Variants in MYO15A observed in about 807,000 individuals in gnomAD.
The protein encoded by MYO15A is unconventional myosin-XV.
In MYO15A, 308 loss-of-function variants were observed where a neutral mutation model predicts 394.6. The ratio of observed to expected loss-of-function variants is 0.78; its 90% CI spans 0.71 to 0.86. The LOEUF (loss-of-function observed/expected upper bound fraction) is 0.86, where lower values mean the gene tolerates loss of function less well. Among genes scored for constraint, MYO15A ranks in the 40% least tolerant of loss-of-function variants. The pLI is 0.00. For missense variants in MYO15A, 4,606 were observed against 4,799.1 expected (o/e 0.96, Z 1.19); for synonymous variants, 1,957 against 2,003.8 (o/e 0.98, Z 0.62).
chr17:18,120,869 C>T lies in MYO15A; in HGVS notation c.2069C>T (p.Pro690Leu), dbSNP rs1213070858. 4.8e-6 allele frequency: 6 copies of T among 1,258,978 alleles called. No homozygotes were observed. Among genetic ancestry groups the T allele is most frequent in the African/African-American group, 1.6e-5 (1 of 61,782 alleles). The allele number at this position is 1,258,978 out of a possible 1,614,324, so 78.0% of individuals were successfully genotyped here. A position where few individuals can be genotyped will look rare whatever the true frequency, so the allele number is the denominator to read the frequency against. Residue 690 changes from proline to leucine, a missense_variant, in exon 2 of 66, where the codon CCG (proline) becomes CTG (leucine). Pro to Leu is a moderately conservative substitution (Grantham distance 98). This residue lies in a region of MYO15A where 1,830 missense variants were observed against 1,689.7 expected (regional missense o/e 1.08). Coordinates refer to ENST00000647165, the MANE Select transcript of MYO15A (RefSeq NM_016239.4). ...CCGGCGCTCTCGGGCCTGCCCCGGC[C>T]GGCCTCGCCCTACGGCTCCCTCCGC... is the stretch of plus-strand genomic sequence containing the variant. Reference protein sequence around the residue: ...LSPALSGLPRPASPYGSLRRH... With the variant: ...LSPALSGLPRLASPYGSLRRH...
Position 18,157,031 on chromosome 17 carries a change from C to T in MYO15A, c.8679C>T (p.Ile2893=), listed in dbSNP as rs1317073614. 1 of 1,614,184 alleles carries T rather than the reference C, an allele frequency of 6.2e-7. No homozygotes were observed. The highest frequency in any genetic ancestry group is 2.2e-5 in the East Asian group (1 of 44,882). ...TGCTGGCTTTCCACAAGGGTGACAT[C>T]ATACACCTGCAGCCCCTAGAGCCAC... is the stretch of plus-strand genomic sequence containing the variant. The part of the protein sequence containing the change: ...PALLAFHKGD[I]IHLQPLEPPR... Residue 2893 remains isoleucine (I), a synonymous_variant, in exon 49 of 66, where the codon ATC becomes ATT. Transcript: ENST00000647165.
intron 55 of MYO15A, 84 bp from the exon 56 acceptor site, chr17:18,159,851 G>A (rs2046748733): frequency 1.3e-6 from 2 of 1,518,058 alleles, no homozygotes; most frequent in Admixed American, 3.7e-5. Flanking sequence ...CCTGTCTTCA[G>A]GTGCCCACCC....
chr17:18,137,952 G>A (rs1299120509), intron 16 of MYO15A, 163 bp from the exon 17 acceptor site: 5 of 1,034,438 alleles, frequency 4.8e-6, no homozygotes, highest in Non-Finnish European at 7.0e-6. Context: ...GCAGGACCCT[G>A]AGTTGGCTCA....
intron 62 of MYO15A, among the ~76,000 whole-genome samples, chr17:18,169,825 C>T (rs1296548434): frequency 2.0e-5 from 3 of 151,874 alleles, no homozygotes; most frequent in Non-Finnish European, 4.4e-5. Flanking sequence ...GATTCATGGG[C>T]GTGGTGGCAC....
chr17:18,131,667 A>C, intron 10 of MYO15A, 136 bp downstream of exon 10: 2 of 1,116,198 alleles, frequency 1.8e-6, no homozygotes, highest in East Asian at 2.6e-5. Flanking sequence ...TGTACATGTG[A>C]GCCCAGGACC....
Position 18,143,896 on chromosome 17 carries a change from G to A in MYO15A, c.6073G>A (p.Val2025Met). The change falls in exon 28 of 66, where the codon GTG (valine) becomes ATG (methionine). Residue 2025 changes from valine to methionine, a missense_variant. Physicochemically the swap from Val to Met is conservative, Grantham distance 21. Around this residue, in one of 2 missense-constraint regions of MYO15A, gnomAD observed 2,776 missense variants for 3,109.3 expected, o/e 0.89. Coordinates refer to ENST00000647165, the MANE Select transcript of MYO15A (RefSeq NM_016239.4). ...AGLGLAQVPQ[V>M]APVRTPRLQA... Reference sequence around the variant, plus strand: ...CCTCGGGCTGGCCCAGGTGCCTCAGGTGGCCCCTGTGAGGACTCCTCGACT... The same window carrying A: ...CCTCGGGCTGGCCCAGGTGCCTCAGATGGCCCCTGTGAGGACTCCTCGACT... 6.3e-7 allele frequency: 1 copy of A among 1,592,110 alleles called. No homozygotes were observed. Among genetic ancestry groups the A allele is most frequent in the Non-Finnish European group, 8.6e-7 (1 of 1,168,376 alleles).
rs1184590256 is a variant in MYO15A at position 18,120,883 on chromosome 17, G to A, written c.2083G>A (p.Gly695Ser). 4.3e-5 allele frequency: 59 copies of A among 1,360,854 alleles called. No individual in the cohort carries two copies. The highest frequency in any genetic ancestry group is 5.3e-5 in the Non-Finnish European group (56 of 1,057,148). 84.3% of individuals were successfully genotyped at this position (1,360,854 alleles called of 1,614,324 possible). A position where few individuals can be genotyped will look rare whatever the true frequency, so the allele number is the denominator to read the frequency against. Reference sequence around the variant, plus strand: ...CCTGCCCCGGCCGGCCTCGCCCTACGGCTCCCTCCGCCGCCACCCGCCGCC... The same window carrying A: ...CCTGCCCCGGCCGGCCTCGCCCTACAGCTCCCTCCGCCGCCACCCGCCGCC... ...SGLPRPASPY[G>S]SLRRHPPPWA... Residue 695 changes from glycine (G) to serine (S), a missense_variant, in exon 2 of 66, where the codon GGC (glycine) becomes AGC (serine). By Grantham distance (56) the Gly-to-Ser change is moderately conservative. Coordinates refer to ENST00000647165, the MANE Select transcript of MYO15A (RefSeq NM_016239.4).
In MYO15A at chr17:18,155,181, C is replaced by T. The variant is rs756973921; in HGVS notation, c.8296C>T (p.Arg2766Ter). ...SVKRAVVSTA[R>*]DTWEVYFSRI... The stretch of plus-strand genomic sequence containing the variant: ...GAAGCGGGCCGTGGTCAGCACTGCA[C>T]GAGACACCTGGGAGGTCTACTTCTC... Residue 2766 changes from arginine to a stop codon, truncating the protein, a stop_gained, in exon 46 of 66, where the codon CGA becomes TGA. Coordinates refer to ENST00000647165, the MANE Select transcript of MYO15A (RefSeq NM_016239.4). LOFTEE classifies it high-confidence loss of function. 10 of 1,613,846 alleles carry T rather than the reference C, an allele frequency of 6.2e-6. No individual in the cohort carries two copies. Among genetic ancestry groups the T allele is most frequent in the Non-Finnish European group, 6.8e-6 (8 of 1,180,022 alleles).
In MYO15A at chr17:18,159,308, G is replaced by A. The variant is rs182977390; in HGVS notation, c.9190G>A (p.Asp3064Asn). The part of the protein sequence containing the change: ...PLQESLIELS[D>N]SSLSKMATDM... Reference sequence around the variant, plus strand: ...CCAGGAATCCCTCATCGAACTCAGCGACAGCAGCCTCAGCAAGATGGCCAC... The same window carrying A: ...CCAGGAATCCCTCATCGAACTCAGCAACAGCAGCCTCAGCAAGATGGCCAC... Residue 3064 changes from aspartate to asparagine, a missense_variant, in exon 54 of 66, where the codon GAC (aspartate) becomes AAC (asparagine). Asp to Asn is a conservative substitution (Grantham distance 23). Coordinates refer to ENST00000647165, the MANE Select transcript of MYO15A (RefSeq NM_016239.4). The A allele has an allele frequency of 1.1e-5, 18 of 1,614,156 alleles. No homozygotes were observed. Among genetic ancestry groups the A allele is most frequent in the African/African-American group, 2.7e-5 (2 of 75,028 alleles).
Position 18,136,679 on chromosome 17 carries a change from G to A in MYO15A, c.4772G>A (p.Gly1591Asp). The change falls in exon 15 of 66, where the codon GGT becomes GAT. Residue 1591 changes from glycine (G) to aspartate (D), a missense_variant. Physicochemically the swap from Gly to Asp is moderately conservative, Grantham distance 94. This residue lies in a region of MYO15A where 2,776 missense variants were observed against 3,109.3 expected (regional missense o/e 0.89). Coordinates refer to ENST00000647165, the MANE Select transcript of MYO15A (RefSeq NM_016239.4). ...TLSIAILDIY[G>D]FEDLSFNSFE... is the part of the protein sequence containing the mutation. ...TCCATCGCCATCCTGGACATCTATG[G>A]TTTCGAGGTGGGGCCGTGTAGGAGG... 2 of 1,605,592 alleles carry A rather than the reference G, an allele frequency of 1.2e-6. No homozygotes were observed. The highest frequency in any genetic ancestry group is 1.7e-6 in the Non-Finnish European group (2 of 1,177,506).
rs375451997 is a variant in MYO15A, at chr17:18,122,158, C to T, written c.3358C>T (p.Arg1120Cys). Residue 1120 changes from arginine to cysteine, a missense_variant, in exon 2 of 66, where the codon CGT becomes TGT. Transcript: ENST00000647165. ...TGGGCGTTTTGCTGTGGTCATGCCTCGTGTGCAGAAGCTGAGCTCTTTCCA... is the reference window on the plus strand; with the variant it reads ...TGGGCGTTTTGCTGTGGTCATGCCTTGTGTGCAGAAGCTGAGCTCTTTCCA... ...APGRFAVVMP[R>C]VQKLSSFQRV... 26 of 1,613,080 alleles carry T rather than the reference C, an allele frequency of 1.6e-5. No homozygotes were observed. In the Admixed American group the frequency reaches 2.2e-4, roughly 13 times the overall value.
rs1353334152 is a variant in MYO15A, at chr17:18,127,124, T to C, written c.3991T>C (p.Tyr1331His). Reference protein sequence around the residue: ...KTEATKLILRYLAAMNQKREV... With the variant: ...KTEATKLILRHLAAMNQKREV... ...TGAGGCCACCAAGCTGATTCTGCGC[T>C]ACCTGGCCGCCATGAACCAGAAACG... Residue 1331 changes from tyrosine (Y) to histidine (H), a missense_variant, in exon 7 of 66, where the codon TAC becomes CAC. By Grantham distance (83) the Tyr-to-His change is moderately conservative (BLOSUM62 2). Around this residue, in one of 2 missense-constraint regions of MYO15A, gnomAD observed 2,776 missense variants for 3,109.3 expected, o/e 0.89. Transcript: ENST00000647165. 6.2e-7 allele frequency: 1 copy of C among 1,613,942 alleles called. No homozygotes were observed. The highest frequency in any genetic ancestry group is 8.5e-7 in the Non-Finnish European group (1 of 1,179,990).
intron 54 of MYO15A, 75 bp downstream of exon 54, chr17:18,159,422 C>T (rs1049964120): frequency 5.1e-6 from 8 of 1,555,538 alleles, no homozygotes; most frequent in Non-Finnish European, 7.1e-6. Flanking sequence ...CTGGTTGCCA[C>T]TCCTCCCTGA....
At position 18,173,790 on chromosome 17, in the gene MYO15A, G is replaced by A. The variant is rs753049777; in HGVS notation, c.10360G>A (p.Val3454Met). 6.2e-7 allele frequency: 1 copy of A among 1,613,978 alleles called. No homozygotes were observed. Among genetic ancestry groups the A allele is most frequent in the Non-Finnish European group, 8.5e-7 (1 of 1,180,038 alleles). ...CTCCTCCTACTCCCAGGAATTGATG[G>A]TGAAGTTCCCCCTGAAGGAGATCCA... ...FLSTETHELMVKFPLKEIQST... is the reference protein window; with the variant it reads ...FLSTETHELMMKFPLKEIQST... The change falls in exon 65 of 66, where the codon GTG becomes ATG. Residue 3454 changes from valine to methionine, a missense_variant. Physicochemically the swap from Val to Met is conservative, Grantham distance 21. Coordinates refer to ENST00000647165, the MANE Select transcript of MYO15A (RefSeq NM_016239.4).
chr17:18,121,036 A>C lies in MYO15A; in HGVS notation c.2236A>C (p.Arg746=). 2.7e-6 allele frequency: 4 copies of C among 1,509,366 alleles called. No homozygotes were observed. Among genetic ancestry groups the C allele is most frequent in the Non-Finnish European group, 3.5e-6 (4 of 1,133,630 alleles). 93.5% of individuals were successfully genotyped at this position (1,509,366 alleles called of 1,614,324 possible). A position where few individuals can be genotyped will look rare whatever the true frequency, so the allele number is the denominator to read the frequency against. Residue 746 remains arginine (R), a synonymous_variant, in exon 2 of 66, where the codon AGG becomes CGG. Transcript: ENST00000647165. The surrounding 1 kb of genome is among the most constrained non-coding windows in gnomAD (Gnocchi z 5.3). The part of the protein sequence containing the change: ...LAFPGPRPSF[R]GSRRRGAAFG... The stretch of plus-strand genomic sequence containing the variant: ...CTTCCCAGGGCCCCGACCCTCGTTC[A>C]GGGGCTCCCGCCGGAGAGGGGCGGC...
intron 19 of MYO15A, 43 bp downstream of exon 19, chr17:18,139,654 G>A (rs1414345655): frequency 1.2e-6 from 2 of 1,606,814 alleles, no homozygotes; most frequent in East Asian, 4.5e-5. Context: ...CCCCAGGCAT[G>A]TCCCCACCCC....
At chr17:18,152,374 C>A (rs1434287812) in intron 42 of MYO15A, among the ~76,000 whole-genome samples, 190 bp downstream of exon 42, 1 of 152,150 alleles carries the variant, frequency 6.6e-6, no homozygotes, top group Admixed American at 6.5e-5. Flanking sequence ...CCCATCCTGG[C>A]CTCATGTAAT....
chr17:18,120,611 A>G lies in MYO15A; in HGVS notation c.1811A>G (p.Glu604Gly), dbSNP rs1341077339. 4.4e-6 allele frequency: 7 copies of G among 1,597,682 alleles called. No homozygotes were observed. The Admixed American group carries it at 1.2e-4, about 27-fold the overall frequency. The change falls in exon 2 of 66, where the codon GAG becomes GGG. Residue 604 changes from glutamate (E) to glycine (G), a missense_variant. Physicochemically the swap from Glu to Gly is moderately conservative, Grantham distance 98. This residue lies in a region of MYO15A where 1,830 missense variants were observed against 1,689.7 expected (regional missense o/e 1.08). Coordinates refer to ENST00000647165, the MANE Select transcript of MYO15A (RefSeq NM_016239.4). ...KARAGGPAVR[E>G]AAYKRFGYKL... ...CGGGCGGGCGGCCCTGCTGTCAGGG[A>G]GGCGGCCTACAAACGCTTCGGCTAC... is the stretch of plus-strand genomic sequence containing the variant.
At position 18,122,146 on chromosome 17, in the gene MYO15A, G is replaced by C. The variant is rs1224946549; in HGVS notation, c.3346G>C (p.Val1116Leu). The C allele has an allele frequency of 3.7e-6, 6 of 1,612,936 alleles. No individual in the cohort carries two copies. Among genetic ancestry groups the C allele is most frequent in the Non-Finnish European group, 2.5e-6 (3 of 1,180,024 alleles). ...RRQAAPGRFAVVMPRVQKLSS... is the reference protein window; with the variant it reads ...RRQAAPGRFALVMPRVQKLSS... ...CCAGGCAGCCCCTGGGCGTTTTGCT[G>C]TGGTCATGCCTCGTGTGCAGAAGCT... Residue 1116 changes from valine to leucine, a missense_variant, in exon 2 of 66, where the codon GTG becomes CTG. Around this residue, in one of 2 missense-constraint regions of MYO15A, gnomAD observed 1,830 missense variants for 1,689.7 expected, o/e 1.08. Coordinates refer to ENST00000647165, the MANE Select transcript of MYO15A (RefSeq NM_016239.4).
Sources: gnomAD v4.1 joint callset for allele counts (sites outside exome capture counted in the v4.1 genomes callset) on GRCh38, gnomAD v4.1.1 for gene constraint, gnomAD v4.1.1 regional missense constraint, Gnocchi (gnomAD v3.1) non-coding constraint, MANE v1.5 for transcripts, NCBI Gene and HGNC (gene_info 2026-07-23, HGNC 2026-07-21) for gene names.